Variants in BTBD16 observed in about 807,000 individuals in gnomAD.
The protein encoded by BTBD16 is BTB domain containing 16, also known as BTB/POZ domain-containing protein 16.
BTBD16 carries 66 observed loss-of-function variants against 67.4 expected under a neutral mutation model. The ratio of observed to expected loss-of-function variants is 0.98; its 90% CI spans 0.80 to 1.20. The LOEUF (loss-of-function observed/expected upper bound fraction) is 1.20. Among genes scored for constraint, BTBD16 ranks in the 50% most tolerant of loss-of-function variants. The probability of loss-of-function intolerance (pLI) is 0.00; values close to 1 mark genes in which losing one functional copy is unlikely to be tolerated. For synonymous variants in BTBD16, 242 were observed against 236.4 expected (o/e 1.02, Z -0.22); for missense variants, 634 against 616.0 (o/e 1.03, Z -0.31).
intron 13 of BTBD16, among the ~76,000 whole-genome samples, chr10:122,333,515 C>A (rs546446195): frequency 1.3e-3 from 202 of 152,236 alleles, no homozygotes; most frequent in Non-Finnish European, 2.2e-3. Context: ...AGGGTCTAAA[C>A]CCTCCAGAAA....
chr10:122,285,018 C>G (rs1242610126), intron 4 of BTBD16, among the ~76,000 whole-genome samples: 1 of 152,162 alleles, frequency 6.6e-6, no homozygotes, highest in Non-Finnish European at 1.5e-5. Flanking sequence ...ATTTGAGATG[C>G]AAACCCCCCG....
intron 4 of BTBD16, among the ~76,000 whole-genome samples, chr10:122,284,790 C>G (rs1389783021): frequency 6.6e-6 from 1 of 150,668 alleles, no homozygotes; most frequent in Admixed American, 6.7e-5. Context: ...TCCTTCAACT[C>G]TGAACAGGAG....
intron 14 of BTBD16, 132 bp from the exon 15 acceptor site, chr10:122,336,362 T>G: frequency 1.4e-6 from 1 of 730,086 alleles, no homozygotes; most frequent in Non-Finnish European, 2.1e-6. Context: ...TAGGAGATGG[T>G]GCCAATTGGG....
At chr10:122,295,216 A>G (rs1195227435) in intron 7 of BTBD16, 1 of 755,886 alleles carries the variant, frequency 1.3e-6, no homozygotes, top group Non-Finnish European at 1.6e-6. Context: ...GGAAATCAAA[A>G]CTAAGGCAGT....
At chr10:122,298,040 C>CA (rs1195716109) in intron 8 of BTBD16, among the ~76,000 whole-genome samples, 1 of 151,516 alleles carries the variant, frequency 6.6e-6, no homozygotes, top group Admixed American at 6.6e-5. Flanking sequence ...GTTTTAACAC[C>CA]AAAAAAATAG....
At chr10:122,303,363 C>T (rs778965583) in intron 9 of BTBD16, among the ~76,000 whole-genome samples, 22 of 152,180 alleles carry the variant, frequency 1.4e-4, no homozygotes, top group Non-Finnish European at 2.8e-4. Context: ...GTGATTGTAA[C>T]GTTCTGCAAC....
chr10:122,273,749 A>G (rs2096334330), intron 1 of BTBD16, among the ~76,000 whole-genome samples: 1 of 152,214 alleles, frequency 6.6e-6, no homozygotes, highest in Admixed American at 6.5e-5. Flanking sequence ...CCCTGTCTCA[A>G]AAAAAGAAAA....
chr10:122,330,283 T>G (rs2096453010), intron 11 of BTBD16, among the ~76,000 whole-genome samples: 1 of 152,078 alleles, frequency 6.6e-6, no homozygotes, highest in African/African-American at 2.4e-5. Context: ...AGGGGAACAC[T>G]AACTCTTCCC....
At chr10:122,332,811 G>T (rs368669432) in intron 13 of BTBD16, 9 of 985,224 alleles carry the variant, frequency 9.1e-6, no homozygotes, top group East Asian at 2.3e-4. Context: ...AACCAGGAAA[G>T]GCCAAGGCAA....
intron 12 of BTBD16, 94 bp from the exon 13 acceptor site, chr10:122,332,342 G>GA (rs924158533): frequency 1.8e-5 from 21 of 1,162,020 alleles, no homozygotes; most frequent in Non-Finnish European, 2.5e-5. Flanking sequence ...ACCTGGTGAG[G>GA]GGGGCAGGGG....
chr10:122,334,228 C>T lies in BTBD16; in HGVS notation c.1165-653C>T, dbSNP rs185345156. Reference sequence around the variant, plus strand: ...TTTTTTTTTTTGAGATGGAGTCTTGCTCTGTCACCCAGGCTGGAGTGCAGT... The same window carrying T: ...TTTTTTTTTTTGAGATGGAGTCTTGTTCTGTCACCCAGGCTGGAGTGCAGT... On this transcript the variant is annotated intron_variant, in intron 13 of 15. Transcript: ENST00000260723. Among the ~76,000 whole-genome samples, 730 of 144,050 alleles carry T rather than the reference C, an allele frequency of 5.1e-3. 5 individuals are homozygous for T. Among genetic ancestry groups the T allele is most frequent in the African/African-American group, 0.017 (653 of 38,310 alleles). The allele number at this position is 144,050 out of a possible 152,430, so 94.5% of individuals were successfully genotyped here. A position where few individuals can be genotyped will look rare whatever the true frequency, so the allele number is the denominator to read the frequency against.
intron 13 of BTBD16, among the ~76,000 whole-genome samples, chr10:122,334,150 C>T (rs541892473): frequency 1.8e-4 from 27 of 151,200 alleles, no homozygotes; most frequent in Admixed American, 5.3e-4. Context: ...GAATAAGTGA[C>T]GGTTGTTATT....
chr10:122,279,964 C>G (rs1437433463), intron 3 of BTBD16, among the ~76,000 whole-genome samples: 1 of 152,112 alleles, frequency 6.6e-6, no homozygotes, highest in African/African-American at 2.4e-5. Context: ...GCCCAGCTGG[C>G]CAACACTTCC....
chr10:122,272,647 A>G lies in BTBD16; in HGVS notation c.-43+1133A>G, dbSNP rs1277912674. Among the ~76,000 whole-genome samples, 3 of 151,452 alleles carry G rather than the reference A, an allele frequency of 2.0e-5. No individual in the cohort carries two copies. The East Asian group carries it at 5.9e-4, about 30-fold the overall frequency. On this transcript the variant is annotated intron_variant, in intron 1 of 15. Transcript: ENST00000260723. ...TGAGCCACTGGGCCTGGCCCCAGAT[A>G]TGTTTTCAAATTAGAGACTGGCAAA...
chr10:122,330,594 T>A (rs915524884), intron 11 of BTBD16, among the ~76,000 whole-genome samples: 1 of 152,258 alleles, frequency 6.6e-6, no homozygotes, highest in East Asian at 1.9e-4. Flanking sequence ...AATAATATGT[T>A]ACACTTAAAT....
rs1212163983 is a variant in BTBD16 at position 122,338,033 on chromosome 10, C to T, written c.1469C>T (p.Thr490Ile). Residue 490 changes from threonine to isoleucine, a missense_variant, in exon 16 of 16, where the codon ACT (threonine) becomes ATT (isoleucine). Coordinates refer to ENST00000260723, the MANE Select transcript of BTBD16 (RefSeq NM_144587.5). ...ATGTTTTAGACCTTGAAAATCCAAACTGTGGGCATCCCAATCTATGTAAGT... is the reference window on the plus strand; with the variant it reads ...ATGTTTTAGACCTTGAAAATCCAAATTGTGGGCATCCCAATCTATGTAAGT... Reference protein sequence around the residue: ...SCKSHTLKIQTVGIPIYVSFA... With the variant: ...SCKSHTLKIQIVGIPIYVSFA... The T allele has an allele frequency of 6.2e-7, 1 of 1,612,178 alleles. No individual in the cohort carries two copies. The highest frequency in any genetic ancestry group is 8.5e-7 in the Non-Finnish European group (1 of 1,178,494).
intron 10 of BTBD16, among the ~76,000 whole-genome samples, chr10:122,317,943 A>G (rs1031163474): frequency 6.6e-6 from 1 of 152,358 alleles, no homozygotes; most frequent in East Asian, 1.9e-4. Flanking sequence ...ATAATAGTAC[A>G]TAAGCCAGTA....
chr10:122,307,308 G>C lies in BTBD16; in HGVS notation c.911G>C (p.Ser304Thr). 2 of 1,603,320 alleles carry C rather than the reference G, an allele frequency of 1.2e-6. No homozygotes were observed. Among genetic ancestry groups the C allele is most frequent in the South Asian group, 2.3e-5 (2 of 88,024 alleles). ...GAAACCGTGATGACATTTTTTAAGA[G>C]GTAATATAACTTAGTGTTGATTGAT... Reference protein sequence around the residue: ...TYETVMTFFKSFPENCCFLDR... With the variant: ...TYETVMTFFKTFPENCCFLDR... Residue 304 changes from serine (S) to threonine (T), a missense_variant and splice_region_variant, in exon 10 of 16, where the codon AGC becomes ACC. Ser to Thr is a moderately conservative substitution (Grantham distance 58). Transcript: ENST00000260723.
At chr10:122,331,365 T>C in intron 12 of BTBD16, 107 bp downstream of exon 12, 1 of 1,442,472 alleles carries the variant, frequency 6.9e-7, no homozygotes, top group Non-Finnish European at 9.2e-7. Flanking sequence ...ACCTCTGAGG[T>C]CAGGACATAT....
Sources: gnomAD v4.1 joint callset for allele counts (sites outside exome capture counted in the v4.1 genomes callset) on GRCh38, gnomAD v4.1.1 for gene constraint, MANE v1.5 for transcripts, NCBI Gene and HGNC (gene_info 2026-07-23, HGNC 2026-07-21) for gene names.